The following FASTKD2 variants were observed in gnomAD, a reference collection of about 807,000 sequenced individuals.
FASTKD2 encodes FAST kinase domain-containing protein 2, mitochondrial.
A neutral mutation model predicts 63.6 loss-of-function variants in FASTKD2; 51 were observed. The observed-to-expected ratio is 0.80, with a 90% CI of 0.64 to 1.01. FASTKD2 has a LOEUF of 1.01. Among genes scored for constraint, FASTKD2 ranks in the 50% least tolerant of loss-of-function variants. FASTKD2 has a pLI of 0.00. For missense variants in FASTKD2, 786 were observed against 831.1 expected, an observed-to-expected ratio of 0.95 and a Z score of 0.67; for synonymous variants, 284 against 293.4, an observed-to-expected ratio of 0.97 and a Z score of 0.33.
At chr2:206,787,591 T>C (rs1469465885) in intron 8 of FASTKD2, among the ~76,000 whole-genome samples, 1 of 152,198 alleles carries the variant, frequency 6.6e-6, no homozygotes, top group Non-Finnish European at 1.5e-5. Flanking sequence ...AGAAACAGCC[T>C]TGAACCTTGG....
intron 9 of FASTKD2, 135 bp from the exon 10 acceptor site, chr2:206,788,684 A>T (rs1690200117): frequency 1.6e-6 from 1 of 634,004 alleles, no homozygotes; most frequent in South Asian, 1.8e-5. Flanking sequence ...GTGAGCTGAG[A>T]TCACACTACT....
intron 7 of FASTKD2, among the ~76,000 whole-genome samples, chr2:206,782,435 A>C (rs918134189): frequency 1.3e-5 from 2 of 152,214 alleles, no homozygotes; most frequent in African/African-American, 4.8e-5. Flanking sequence ...ACCTTCTTCT[A>C]GTTCAGTTTT....
At chr2:206,775,541 A>G (rs979908584) in intron 7 of FASTKD2, among the ~76,000 whole-genome samples, 13 of 151,764 alleles carry the variant, frequency 8.6e-5, no homozygotes, top group Non-Finnish European at 1.8e-4. Context: ...ATCAATCTTC[A>G]TCAGAGATAC....
In FASTKD2 at chr2:206,767,043, A is replaced by T; in HGVS notation, c.350A>T (p.Lys117Met). ...GCTAAAAGACTGTTTTTTGACTCAA[A>T]GCAGTCTCTTGTCCCTGTTGATAAA... is the stretch of plus-strand genomic sequence containing the variant. Reference protein sequence around the residue: ...LYAKRLFFDSKQSLVPVDKSD... With the variant: ...LYAKRLFFDSMQSLVPVDKSD... Residue 117 changes from lysine (K) to methionine (M), a missense_variant, in exon 2 of 12, where the codon AAG (lysine) becomes ATG (methionine). By Grantham distance (95) the Lys-to-Met change is moderately conservative. Transcript: ENST00000402774. 1 of 1,614,034 alleles carries T rather than the reference A, an allele frequency of 6.2e-7. No homozygotes were observed. The highest frequency in any genetic ancestry group is 8.5e-7 in the Non-Finnish European group (1 of 1,179,914).
Position 206,795,454 on chromosome 2 carries a change from G to A in FASTKD2, c.*3652G>A, listed in dbSNP as rs867285015. ...TCACCATGTTAGCCAGGATGGTCTC[G>A]ATCTCCTGACCTTGCGATCTGCCCG... On this transcript the variant is annotated 3_prime_UTR_variant, in exon 12 of 12. Transcript: ENST00000402774. 9.2e-5 allele frequency among the ~76,000 whole-genome samples: 14 copies of A among 152,176 alleles called. No homozygotes were observed. Among genetic ancestry groups the A allele is most frequent in the Non-Finnish European group, 1.9e-4 (13 of 68,030 alleles).
chr2:206,788,951 A>G (rs931998458), intron 10 of FASTKD2, 48 bp downstream of exon 10: 16 of 994,886 alleles, frequency 1.6e-5, no homozygotes, highest in Non-Finnish European at 2.4e-5. Context: ...TTAAAATCCT[A>G]ATTCTAAAAG....
intron 7 of FASTKD2, 50 bp downstream of exon 7, chr2:206,774,447 A>G (rs749899079): frequency 8.4e-7 from 1 of 1,187,024 alleles, no homozygotes; most frequent in Non-Finnish European, 1.2e-6. Flanking sequence ...AACTTACAAA[A>G]AAGGTTATAA....
At position 206,793,244 on chromosome 2, in the gene FASTKD2, A is replaced by T. The variant is rs1056592440; in HGVS notation, c.*1442A>T. ...TCAAAAAAAAAAAAAAAAAAAAAAA[A>T]AAAAAAATACAAAAACTATAGCAAT... On this transcript the variant is annotated 3_prime_UTR_variant, in exon 12 of 12. Coordinates refer to ENST00000402774, the MANE Select transcript of FASTKD2 (RefSeq NM_001136193.2). Among the ~76,000 whole-genome samples, 1 of 145,632 alleles carries T rather than the reference A, an allele frequency of 6.9e-6. No individual in the cohort carries two copies. The highest frequency in any genetic ancestry group is 2.6e-5 in the African/African-American group (1 of 38,042).
At position 206,770,085 on chromosome 2, in the gene FASTKD2, C is replaced by G. The variant is rs1247738095; in HGVS notation, c.778-6C>G. On this transcript the variant is annotated splice_region_variant and splice_polypyrimidine_tract_variant and intron_variant, in intron 2 of 11. Coordinates refer to ENST00000402774, the MANE Select transcript of FASTKD2 (RefSeq NM_001136193.2). Reference sequence around the variant, plus strand: ...CTGTAGTGTTTTTGTAATTATATTTCAATAGGAACGTATCAATGAGTGTGA... The same window carrying G: ...CTGTAGTGTTTTTGTAATTATATTTGAATAGGAACGTATCAATGAGTGTGA... 1 of 1,574,570 alleles carries G rather than the reference C, an allele frequency of 6.4e-7. No individual in the cohort carries two copies. The highest frequency in any genetic ancestry group is 1.7e-5 in the Admixed American group (1 of 59,968).
In FASTKD2 at chr2:206,772,217, A is replaced by G; in HGVS notation, c.1151A>G (p.Asn384Ser). 1 of 1,613,374 alleles carries G rather than the reference A, an allele frequency of 6.2e-7. No homozygotes were observed. The highest frequency in any genetic ancestry group is 8.5e-7 in the Non-Finnish European group (1 of 1,179,294). The stretch of plus-strand genomic sequence containing the variant: ...GGGTGTCCTTTAAGAATAATGATCA[A>G]CATATTGCAGTCCTGCAAAGACCTC... ...IHGCPLRIMI[N>S]ILQSCKDLQY... The change falls in exon 6 of 12, where the codon AAC becomes AGC. Residue 384 changes from asparagine to serine, a missense_variant. Coordinates refer to ENST00000402774, the MANE Select transcript of FASTKD2 (RefSeq NM_001136193.2).
chr2:206,787,284 A>C (rs1472152489), intron 8 of FASTKD2, among the ~76,000 whole-genome samples: 3 of 152,168 alleles, frequency 2.0e-5, no homozygotes, highest in Non-Finnish European at 4.4e-5. Context: ...AGCTGTAAAC[A>C]CTTGGTCACT....
Position 206,770,075 on chromosome 2 carries a change from A to T in FASTKD2, c.778-16A>T, listed in dbSNP as rs770234706. ...GGCTCATCACCTGTAGTGTTTTTGT[A>T]ATTATATTTCAATAGGAACGTATCA... is the stretch of plus-strand genomic sequence containing the variant. On this transcript the variant is annotated splice_polypyrimidine_tract_variant and intron_variant, in intron 2 of 11. Transcript: ENST00000402774. The T allele has an allele frequency of 1.0e-5, 16 of 1,526,338 alleles. No homozygotes were observed. Among genetic ancestry groups the T allele is most frequent in the African/African-American group, 1.4e-5 (1 of 73,152 alleles). 94.5% of individuals were successfully genotyped at this position (1,526,338 alleles called of 1,614,324 possible).
intron 7 of FASTKD2, among the ~76,000 whole-genome samples, chr2:206,777,636 C>T (rs560599367): frequency 4.9e-4 from 74 of 152,224 alleles, no homozygotes; most frequent in African/African-American, 1.7e-3. Flanking sequence ...ATGCATGTGT[C>T]TGGCTTTGGT....
In FASTKD2 at chr2:206,772,231, T is replaced by G. The variant is rs1689704113; in HGVS notation, c.1165T>G (p.Cys389Gly). 6.2e-7 allele frequency: 1 copy of G among 1,613,336 alleles called. No homozygotes were observed. Among genetic ancestry groups the G allele is most frequent in the East Asian group, 2.2e-5 (1 of 44,866 alleles). The change falls in exon 6 of 12, where the codon TGC (cysteine) becomes GGC (glycine). Residue 389 changes from cysteine (C) to glycine (G), a missense_variant. Transcript: ENST00000402774. ...AATAATGATCAACATATTGCAGTCC[T>G]GCAAAGACCTCCAGTACCATAATTT... ...LRIMINILQS[C>G]KDLQYHNLDL... is the part of the protein sequence containing the mutation.
chr2:206,766,952 G>A lies in FASTKD2; in HGVS notation c.259G>A (p.Asp87Asn), dbSNP rs1311032943. The A allele has an allele frequency of 8.1e-6, 13 of 1,606,910 alleles. No homozygotes were observed. The South Asian group carries it at 1.3e-4, about 16-fold the overall frequency. Reference protein sequence around the residue: ...LFQDAFIFKSDVGFQTKGIST... With the variant: ...LFQDAFIFKSNVGFQTKGIST... ...TCAGGATGCATTCATTTTTAAATCA[G>A]ATGTTGGCTTTCAAACAAAGGGCAT... is the stretch of plus-strand genomic sequence containing the variant. The change falls in exon 2 of 12, where the codon GAT (aspartate) becomes AAT (asparagine). Residue 87 changes from aspartate to asparagine, a missense_variant. Coordinates refer to ENST00000402774, the MANE Select transcript of FASTKD2 (RefSeq NM_001136193.2).
chr2:206,781,673 C>CT (rs59970556), intron 7 of FASTKD2, among the ~76,000 whole-genome samples: 161 of 130,478 alleles, frequency 1.2e-3, no homozygotes, highest in African/African-American at 1.5e-3. Flanking sequence ...TTTTTAATTT[C>CT]TTTTTTTTTT....
chr2:206,776,089 T>C (rs1162442196), intron 7 of FASTKD2, among the ~76,000 whole-genome samples: 1 of 151,588 alleles, frequency 6.6e-6, no homozygotes, highest in Non-Finnish European at 1.5e-5. Flanking sequence ...TTATTTTTGC[T>C]ATTCAGTTAC....
intron 7 of FASTKD2, among the ~76,000 whole-genome samples, chr2:206,781,811 T>G (rs1180863417): frequency 6.6e-6 from 1 of 152,030 alleles, no homozygotes; most frequent in African/African-American, 2.4e-5. Context: ...TGCTGTCTGC[T>G]GCAAGCCACT....
At chr2:206,781,378 C>T (rs934745520) in intron 7 of FASTKD2, among the ~76,000 whole-genome samples, 6 of 135,712 alleles carry the variant, frequency 4.4e-5, no homozygotes, top group African/African-American at 8.1e-5. Flanking sequence ...TGCAGTGGCA[C>T]GATCTCGGCT....
Sources: gnomAD v4.1 joint callset for allele counts (sites outside exome capture counted in the v4.1 genomes callset) on GRCh38, gnomAD v4.1.1 for gene constraint, MANE v1.5 for transcripts, NCBI Gene and HGNC (gene_info 2026-07-23, HGNC 2026-07-21) for gene names.